Variants in LUZP2 observed in about 807,000 individuals in gnomAD.
LUZP2 encodes the protein leucine zipper protein 2.
Under a neutral mutation model 51.6 loss-of-function variants are expected in LUZP2, and 52 were observed. That is an observed-to-expected ratio of 1.01 (90% CI 0.81 to 1.27). LUZP2 has a LOEUF of 1.27. Ranked by LOEUF, LUZP2 falls within the 50% of genes most tolerant of loss-of-function variation. LUZP2 has a pLI of 0.00. For missense variants in LUZP2, 436 were observed against 395.4 expected (o/e 1.10, Z -0.87); for synonymous variants, 154 against 137.3 (o/e 1.12, Z -0.85).
intron 1 of LUZP2, among the ~76,000 whole-genome samples, chr11:24,607,835 T>TG (rs1239803936): frequency 4.0e-5 from 6 of 151,828 alleles, no homozygotes; most frequent in African/African-American, 1.5e-4. Flanking sequence ...TTTTATTTTT[T>TG]TTTTTCATTT....
intron 5 of LUZP2, among the ~76,000 whole-genome samples, chr11:24,865,747 T>TAC (rs1417670358): frequency 6.7e-6 from 1 of 148,192 alleles, no homozygotes; most frequent in Non-Finnish European, 1.5e-5. Context: ...TGTGTGTGTA[T>TAC]ATATATTTAT....
intron 10 of LUZP2, among the ~76,000 whole-genome samples, chr11:25,062,428 T>A (rs11028394): frequency 6.9e-5 from 10 of 145,232 alleles, no homozygotes; most frequent in Non-Finnish European, 7.7e-5. Flanking sequence ...CTATAAAGAA[T>A]AAAAAAATAT....
At chr11:24,920,611 A>G (rs1337894381) in intron 7 of LUZP2, among the ~76,000 whole-genome samples, 2 of 152,110 alleles carry the variant, frequency 1.3e-5, no homozygotes, top group African/African-American at 2.4e-5. Context: ...AACTATAAAA[A>G]ATAAAATCAT....
chr11:24,499,540 A>G (rs1849924837), intron 1 of LUZP2, among the ~76,000 whole-genome samples: 2 of 152,138 alleles, frequency 1.3e-5, no homozygotes, highest in Admixed American at 1.3e-4. Flanking sequence ...AGCCATGGCC[A>G]CCTGGGACAG....
chr11:24,599,352 A>G (rs1853547303), intron 1 of LUZP2, among the ~76,000 whole-genome samples: 1 of 152,104 alleles, frequency 6.6e-6, no homozygotes, highest in African/African-American at 2.4e-5. Flanking sequence ...CCACCATACC[A>G]TCACTGCCCC....
chr11:25,076,641 A>AGAGGGAAGGAAGGAAGGGAGG (rs1859310249), intron 10 of LUZP2, among the ~76,000 whole-genome samples: 3 of 134,494 alleles, frequency 2.2e-5, no homozygotes, highest in African/African-American at 8.6e-5. Flanking sequence ...GAAGGGAAAA[A>AGAGGGAAGGAAGGAAGGGAGG]GAGGGAAGGA....
intron 1 of LUZP2, among the ~76,000 whole-genome samples, chr11:24,539,231 A>G (rs1276541432): frequency 1.3e-5 from 2 of 151,902 alleles, no homozygotes; most frequent in Admixed American, 1.3e-4. Flanking sequence ...AGAATTGATT[A>G]TTCATATCTA....
At chr11:24,946,040 A>T (rs1276401433) in intron 7 of LUZP2, among the ~76,000 whole-genome samples, 2 of 151,966 alleles carry the variant, frequency 1.3e-5, no homozygotes, top group Non-Finnish European at 2.9e-5. Flanking sequence ...CATATTTTGG[A>T]CTTTTCATAT....
At chr11:24,787,227 G>A (rs368727518) in intron 5 of LUZP2, among the ~76,000 whole-genome samples, 3 of 152,120 alleles carry the variant, frequency 2.0e-5, no homozygotes, top group South Asian at 4.1e-4. Flanking sequence ...GAACATTGAA[G>A]TATCAGTTGT....
chr11:24,882,974 T>TGGA (rs1294304256), intron 5 of LUZP2, among the ~76,000 whole-genome samples: 7 of 105,546 alleles, frequency 6.6e-5, no homozygotes, highest in African/African-American at 3.0e-4. Flanking sequence ...GAAAGAAAGA[T>TGGA]GGAGGAAGGA....
intron 5 of LUZP2, among the ~76,000 whole-genome samples, chr11:24,860,990 A>G (rs572331943): frequency 5.9e-5 from 9 of 152,168 alleles, no homozygotes; most frequent in Non-Finnish European, 8.8e-5. Flanking sequence ...GCTTCAGAAG[A>G]TGGTAACAAA....
intron 10 of LUZP2, among the ~76,000 whole-genome samples, chr11:25,072,512 A>G (rs1859186687): frequency 1.3e-5 from 2 of 152,136 alleles, no homozygotes; most frequent in African/African-American, 4.8e-5. Flanking sequence ...GTGTGGCCAA[A>G]AAGGGAAAAA....
chr11:24,885,474 AAATC>A (rs1161032932), intron 5 of LUZP2, among the ~76,000 whole-genome samples: 1 of 152,126 alleles, frequency 6.6e-6, no homozygotes, highest in Non-Finnish European at 1.5e-5. Context: ...AGATTATAGG[AAATC>A]ATACCCAAGT....
At chr11:24,664,593 G>A (rs1006545786) in intron 1 of LUZP2, among the ~76,000 whole-genome samples, 1 of 152,108 alleles carries the variant, frequency 6.6e-6, no homozygotes, top group Non-Finnish European at 1.5e-5. Context: ...TCCTGGGCTG[G>A]TCCCAGGAAC....
intron 9 of LUZP2, among the ~76,000 whole-genome samples, chr11:25,024,513 A>G (rs1342790716): frequency 6.6e-6 from 1 of 152,180 alleles, no homozygotes; most frequent in East Asian, 1.9e-4. Flanking sequence ...ACAGACAAAC[A>G]GAGAGCCAAA....
At chr11:24,583,190 A>G (rs546937243) in intron 1 of LUZP2, among the ~76,000 whole-genome samples, 30 of 152,298 alleles carry the variant, frequency 2.0e-4, no homozygotes, top group Non-Finnish European at 3.8e-4. Context: ...TGTAATATAC[A>G]TGAATATTAT....
chr11:24,876,161 A>C (rs896847008), intron 5 of LUZP2, among the ~76,000 whole-genome samples: 7 of 150,244 alleles, frequency 4.7e-5, no homozygotes, highest in African/African-American at 1.7e-4. Flanking sequence ...TTTAGACATG[A>C]AGCCCTTGCC....
intron 1 of LUZP2, among the ~76,000 whole-genome samples, chr11:24,688,369 A>C (rs1445995998): frequency 6.6e-6 from 1 of 152,130 alleles, no homozygotes; most frequent in Non-Finnish European, 1.5e-5. Flanking sequence ...ATTTACCCTC[A>C]GGAAGACTGT....
intron 5 of LUZP2, chr11:24,893,306 A>G (rs1399131433): frequency 6.6e-6 from 1 of 151,388 alleles, no homozygotes; most frequent in African/African-American, 2.4e-5. Context: ...TTTTTTGTTT[A>G]GATGAAGAAG....
Sources: allele counts gnomAD v4.1 joint callset (sites outside exome capture counted in the v4.1 genomes callset), GRCh38; gene constraint gnomAD v4.1.1; transcripts MANE v1.5; gene names NCBI Gene and HGNC (gene_info 2026-07-23, HGNC 2026-07-21).